Variants in TMEM45A observed in about 807,000 individuals in gnomAD.
TMEM45A encodes the protein DNA polymerase-transactivated protein 4.
Under a neutral mutation model 32.0 loss-of-function variants are expected in TMEM45A, and 25 were observed. The ratio of observed to expected loss-of-function variants is 0.78; its 90% CI spans 0.57 to 1.09. TMEM45A has a LOEUF of 1.09. TMEM45A is among the 50% of genes least tolerant of loss of function. The pLI is 0.00. For missense variants in TMEM45A, 302 were observed against 325.0 expected (o/e 0.93, Z 0.54); for synonymous variants, 122 against 114.8 (o/e 1.06, Z -0.40).
intron 1 of TMEM45A, among the ~76,000 whole-genome samples, chr3:100,539,664 C>T (rs939946585): frequency 3.9e-5 from 6 of 151,980 alleles, no homozygotes; most frequent in Admixed American, 1.3e-4. Flanking sequence ...CAGGAGAAGA[C>T]GGATGCCTCA....
At chr3:100,519,698 C>T in intron 1 of TMEM45A, 1 of 1,303,142 alleles carries the variant, frequency 7.7e-7, no homozygotes, top group Non-Finnish European at 1.1e-6. Context: ...TTGAACCTGA[C>T]TGTACCGTGT....
intron 1 of TMEM45A, among the ~76,000 whole-genome samples, chr3:100,513,654 G>T (rs1300610332): frequency 6.7e-6 from 1 of 150,174 alleles, no homozygotes; most frequent in South Asian, 2.1e-4. Context: ...GGAAATAAAG[G>T]GTATTCAATT....
intron 1 of TMEM45A, among the ~76,000 whole-genome samples, chr3:100,543,218 A>G (rs953501600): frequency 6.6e-6 from 1 of 152,160 alleles, no homozygotes; most frequent in Non-Finnish European, 1.5e-5. Context: ...TCTGTTGTAT[A>G]TATATTACAT....
chr3:100,568,312 G>A (rs1440725897), intron 4 of TMEM45A, among the ~76,000 whole-genome samples: 4 of 151,766 alleles, frequency 2.6e-5, no homozygotes, highest in Admixed American at 6.6e-5. Flanking sequence ...TTTTCTTAAC[G>A]GCTTAATTAC....
intron 1 of TMEM45A, among the ~76,000 whole-genome samples, chr3:100,511,389 G>A (rs1403255156): frequency 6.6e-6 from 1 of 151,096 alleles, no homozygotes; most frequent in African/African-American, 2.4e-5. Flanking sequence ...CATAAGTGAA[G>A]GAGAAATAAA....
At chr3:100,569,149 T>C (rs1282306938) in intron 5 of TMEM45A, among the ~76,000 whole-genome samples, 182 bp downstream of exon 5, 1 of 152,124 alleles carries the variant, frequency 6.6e-6, no homozygotes, top group Non-Finnish European at 1.5e-5. Context: ...TAAATGCTGG[T>C]TTAAAGTTAG....
intron 1 of TMEM45A, among the ~76,000 whole-genome samples, chr3:100,502,959 T>C (rs1385402675): frequency 1.3e-5 from 2 of 151,114 alleles, no homozygotes; most frequent in Non-Finnish European, 3.0e-5. Context: ...TCCTTCTCCT[T>C]CTTCTCCTCC....
chr3:100,512,534 A>T (rs1164871804), intron 1 of TMEM45A, among the ~76,000 whole-genome samples: 2 of 152,228 alleles, frequency 1.3e-5, no homozygotes, highest in African/African-American at 4.8e-5. Flanking sequence ...AAAGATCCAA[A>T]ATTGACACCC....
intron 1 of TMEM45A, among the ~76,000 whole-genome samples, chr3:100,553,533 A>G (rs1706150596): frequency 6.6e-6 from 1 of 152,186 alleles, no homozygotes; most frequent in Non-Finnish European, 1.5e-5. Context: ...GTCTGTATAT[A>G]CTTTTCAATC....
At chr3:100,563,332 T>C (rs1706370335) in intron 4 of TMEM45A, among the ~76,000 whole-genome samples, 1 of 152,250 alleles carries the variant, frequency 6.6e-6, no homozygotes, top group Admixed American at 6.5e-5. Flanking sequence ...TGATTACCTC[T>C]GCAAATACTC....
chr3:100,498,645 AC>A (rs1707967849), intron 1 of TMEM45A, among the ~76,000 whole-genome samples: 1 of 152,112 alleles, frequency 6.6e-6, no homozygotes, highest in African/African-American at 2.4e-5. Context: ...TAATTAATAC[AC>A]CATCTTTTGG....
At chr3:100,547,083 G>C (rs1576282939) in intron 1 of TMEM45A, among the ~76,000 whole-genome samples, 1 of 151,970 alleles carries the variant, frequency 6.6e-6, no homozygotes, top group African/African-American at 2.4e-5. Context: ...ATTAACACAT[G>C]TTTCATATGT....
intron 1 of TMEM45A, among the ~76,000 whole-genome samples, chr3:100,501,375 C>T (rs924159438): frequency 5.3e-5 from 8 of 152,106 alleles, no homozygotes; most frequent in Non-Finnish European, 1.0e-4. Context: ...GTGAAAAGCT[C>T]CCCAGAGAGC....
intron 4 of TMEM45A, among the ~76,000 whole-genome samples, chr3:100,563,099 G>C (rs1337144789): frequency 6.6e-6 from 1 of 152,162 alleles, no homozygotes; most frequent in African/African-American, 2.4e-5. Context: ...TTTTTCTTGG[G>C]GTCCAGAGGG....
Position 100,577,074 on chromosome 3 carries a change from G to A in TMEM45A, c.*56G>A. On this transcript the variant is annotated 3_prime_UTR_variant, in exon 6 of 6. Coordinates refer to ENST00000323523, the MANE Select transcript of TMEM45A (RefSeq NM_018004.3). ...ACCTTTTCTTTTTTACATTGTTCTT[G>A]GTTTTGTTTCTCGATCTTTTGTTTG... The A allele has an allele frequency of 6.9e-7, 1 of 1,455,430 alleles. No individual in the cohort carries two copies. The highest frequency in any genetic ancestry group is 9.5e-7 in the Non-Finnish European group (1 of 1,052,596). 90.2% of individuals were successfully genotyped at this position (1,455,430 alleles called of 1,614,324 possible).
rs78319800 is a variant in TMEM45A at position 100,509,395 on chromosome 3, T to G, written c.-4+16467T>G. ...TATGGGGGTTTCTCAAAAAAATAAA[T>G]GCAGAACTACCATAGAGTCCAGCAA... On this transcript the variant is annotated intron_variant, in intron 1 of 5. Coordinates refer to ENST00000323523, the MANE Select transcript of TMEM45A (RefSeq NM_018004.3). Among the ~76,000 whole-genome samples the G allele has an allele frequency of 8.0e-3, 1,219 of 152,234 alleles. 9 individuals carry two copies. The highest frequency in any genetic ancestry group is 0.013 in the Non-Finnish European group (888 of 68,012).
At chr3:100,548,693 G>GT (rs1706029608) in intron 1 of TMEM45A, among the ~76,000 whole-genome samples, 3 of 152,162 alleles carry the variant, frequency 2.0e-5, no homozygotes, top group African/African-American at 4.8e-5. Flanking sequence ...TAGCATTTCT[G>GT]TTTTTTGTGG....
chr3:100,537,421 C>T (rs1705761205), intron 1 of TMEM45A, among the ~76,000 whole-genome samples: 1 of 152,160 alleles, frequency 6.6e-6, no homozygotes, highest in African/African-American at 2.4e-5. Flanking sequence ...TTTTTGCTCT[C>T]TGGGCCTCCA....
intron 1 of TMEM45A, among the ~76,000 whole-genome samples, chr3:100,537,712 G>A (rs1705769929): frequency 6.6e-6 from 1 of 152,226 alleles, no homozygotes; most frequent in Admixed American, 6.5e-5. Context: ...TCTGTAGATT[G>A]GCCCAGGAGA....
Sources: allele counts gnomAD v4.1 joint callset (sites outside exome capture counted in the v4.1 genomes callset), GRCh38; gene constraint gnomAD v4.1.1; transcripts MANE v1.5; gene names NCBI Gene and HGNC (gene_info 2026-07-23, HGNC 2026-07-21).